IL1RAP: variants seen among roughly 807,000 people sequenced by gnomAD.
IL1RAP encodes the protein interleukin-1 receptor accessory protein.
A neutral mutation model predicts 60.7 loss-of-function variants in IL1RAP; 35 were observed. That is an observed-to-expected ratio of 0.58 (90% CI 0.44 to 0.76). The LOEUF is 0.76. IL1RAP is among the 30% of genes least tolerant of loss of function. The pLI is 0.00. For synonymous variants in IL1RAP, 268 were observed against 250.9 expected, an observed-to-expected ratio of 1.07 and a Z score of -0.64; for missense variants, 572 against 693.9, an observed-to-expected ratio of 0.82 and a Z score of 1.97.
At chr3:190,543,286 G>C (rs1206315695) in intron 1 of IL1RAP, among the ~76,000 whole-genome samples, 1 of 152,082 alleles carries the variant, frequency 6.6e-6, no homozygotes, top group Non-Finnish European at 1.5e-5. Flanking sequence ...AGGAATTATA[G>C]TATTTTCCTG....
intron 9 of IL1RAP, among the ~76,000 whole-genome samples, chr3:190,638,836 C>A (rs1391344316): frequency 6.6e-6 from 1 of 151,972 alleles, no homozygotes; most frequent in Non-Finnish European, 1.5e-5. Flanking sequence ...TTTACTTTCT[C>A]ATTATGTTTC....
chr3:190,632,698 C>T (rs536332835), intron 9 of IL1RAP, among the ~76,000 whole-genome samples: 2 of 152,124 alleles, frequency 1.3e-5, no homozygotes, highest in East Asian at 3.9e-4. Flanking sequence ...GAAAGGTATC[C>T]TTCTGTGTTT....
At chr3:190,520,907 T>C (rs1721963891) in intron 1 of IL1RAP, among the ~76,000 whole-genome samples, 1 of 152,194 alleles carries the variant, frequency 6.6e-6, no homozygotes, top group African/African-American at 2.4e-5. Context: ...GCCAGTATGG[T>C]TAGATGCTAT....
Position 190,650,067 on chromosome 3 carries a change from A to C in IL1RAP, c.*1362A>C. The C allele has an allele frequency of 1.6e-6, 1 of 620,752 alleles. No homozygotes were observed. The highest frequency in any genetic ancestry group is 2.0e-6 in the Non-Finnish European group (1 of 497,930). The allele number at this position is 620,752 out of a possible 1,614,324, so 38.5% of individuals were successfully genotyped here. ...AAATCCACATGCACATGAAATATAT[A>C]TATATATATAATTTGTGTGTGTGTA... On this transcript the variant is annotated 3_prime_UTR_variant, in exon 12 of 12. Transcript: ENST00000447382.
chr3:190,607,732 T>C (rs9819685), intron 4 of IL1RAP, among the ~76,000 whole-genome samples: 12,081 of 152,206 alleles, frequency 0.079, 946 homozygotes, highest in African/African-American at 0.2. Context: ...TATGTGTTTG[T>C]TTTTTTCCTT....
chr3:190,628,743 A>G (rs1431396831), intron 8 of IL1RAP, among the ~76,000 whole-genome samples: 1 of 152,232 alleles, frequency 6.6e-6, no homozygotes, highest in African/African-American at 2.4e-5. Context: ...TTCAGAATCC[A>G]TGCTTTGGGA....
At chr3:190,619,945 A>C (rs1235915762) in intron 5 of IL1RAP, among the ~76,000 whole-genome samples, 1 of 152,140 alleles carries the variant, frequency 6.6e-6, no homozygotes, top group Non-Finnish European at 1.5e-5. Context: ...CAGTTGCTCA[A>C]GTTTCCTTAG....
intron 9 of IL1RAP, among the ~76,000 whole-genome samples, chr3:190,630,899 G>A (rs898728424): frequency 2.0e-5 from 3 of 152,068 alleles, no homozygotes; most frequent in African/African-American, 7.2e-5. Flanking sequence ...TACCTTATAA[G>A]GTTGTTTTAA....
chr3:190,628,001 A>C (rs1290563713), intron 8 of IL1RAP, among the ~76,000 whole-genome samples: 1 of 152,118 alleles, frequency 6.6e-6, no homozygotes, highest in Non-Finnish European at 1.5e-5. Flanking sequence ...TACATTTATA[A>C]TTAGTAATTT....
chr3:190,643,971 G>A, intron 9 of IL1RAP: 1 of 211,000 alleles, frequency 4.7e-6, no homozygotes, highest in Non-Finnish European at 8.2e-6. Context: ...GACCTTCTAA[G>A]CCCTTCCTGA....
At chr3:190,627,061 A>G (rs1008610664) in intron 7 of IL1RAP, among the ~76,000 whole-genome samples, 1 of 152,122 alleles carries the variant, frequency 6.6e-6, no homozygotes, top group African/African-American at 2.4e-5. Context: ...TACAAAGTTG[A>G]TGGCCTTCTT....
intron 9 of IL1RAP, among the ~76,000 whole-genome samples, chr3:190,634,715 T>TTTTTTTTC (rs1733066005): frequency 7.0e-6 from 1 of 142,782 alleles, no homozygotes; most frequent in African/African-American, 2.9e-5. Flanking sequence ...GTGTTTTTTT[T>TTTTTTTTC]TTTGTTGTTG....
chr3:190,601,635 G>A (rs535197040), intron 3 of IL1RAP, among the ~76,000 whole-genome samples: 29 of 152,308 alleles, frequency 1.9e-4, no homozygotes, highest in African/African-American at 6.0e-4. Context: ...ATCCACTGCT[G>A]CAAAAACGGT....
chr3:190,613,371 G>T (rs1289751740), intron 5 of IL1RAP, among the ~76,000 whole-genome samples: 1 of 152,178 alleles, frequency 6.6e-6, no homozygotes, highest in Non-Finnish European at 1.5e-5. Context: ...TGACTAGCAG[G>T]TAGTGGTTAC....
At chr3:190,521,651 G>C (rs745318986) in intron 1 of IL1RAP, among the ~76,000 whole-genome samples, 1 of 151,880 alleles carries the variant, frequency 6.6e-6, no homozygotes, top group African/African-American at 2.4e-5. Context: ...ATTACAACCG[G>C]GTACTGCACG....
At position 190,651,334 on chromosome 3, in the gene IL1RAP, ATCACT is replaced by A. The variant is rs1194488258; in HGVS notation, c.*2633_*2637del. On this transcript the variant is annotated 3_prime_UTR_variant, in exon 12 of 12. Coordinates refer to ENST00000447382, the MANE Select transcript of IL1RAP (RefSeq NM_002182.4). ...TGATTCCCAAGGACTCTAATAAAAA[ATCACT>A]TCATTGTATTTGGAAACAAAAACAT... The A allele has an allele frequency of 1.1e-6, 1 of 912,078 alleles. No homozygotes were observed. Among genetic ancestry groups the A allele is most frequent in the Non-Finnish European group, 1.3e-6 (1 of 763,144 alleles). 56.5% of individuals were successfully genotyped at this position (912,078 alleles called of 1,614,324 possible).
intron 1 of IL1RAP, among the ~76,000 whole-genome samples, chr3:190,533,492 C>T (rs906810793): frequency 6.6e-6 from 1 of 152,152 alleles, no homozygotes; most frequent in Non-Finnish European, 1.5e-5. Flanking sequence ...TCTCCTCCTC[C>T]CTCCCCCCTG....
At chr3:190,520,258 T>C (rs1721895427) in intron 1 of IL1RAP, among the ~76,000 whole-genome samples, 1 of 152,202 alleles carries the variant, frequency 6.6e-6, no homozygotes, top group African/African-American at 2.4e-5. Context: ...ATTGAACGGA[T>C]GATGGGTTCA....
At position 190,635,644 on chromosome 3, in the gene IL1RAP, G is replaced by T. The variant is rs541147133; in HGVS notation, c.1051+6146G>T. ...AGTGTGTGTTTTTTAATTTAAACAT[G>T]CTTGGAATTTTCCAGATCGTTTTAC... On this transcript the variant is annotated intron_variant, in intron 9 of 11. Transcript: ENST00000447382. Among the ~76,000 whole-genome samples the T allele has an allele frequency of 3.9e-5, 6 of 152,146 alleles. No individual in the cohort carries two copies. The South Asian group carries it at 1.2e-3, about 32-fold the overall frequency.
Sources: gnomAD v4.1 joint callset for allele counts (sites outside exome capture counted in the v4.1 genomes callset) on GRCh38, gnomAD v4.1.1 for gene constraint, MANE v1.5 for transcripts, NCBI Gene and HGNC (gene_info 2026-07-23, HGNC 2026-07-21) for gene names.